The following CNTNAP3B variants were observed in gnomAD, a reference collection of about 807,000 sequenced individuals.
The protein encoded by CNTNAP3B is contactin-associated protein-like 3B.
In CNTNAP3B, 25 loss-of-function variants were observed where a neutral mutation model predicts 108.9. The observed-to-expected ratio is 0.23, with a 90% CI of 0.17 to 0.32. The LOEUF is 0.32. Ranked by LOEUF, CNTNAP3B falls within the 10% of genes least tolerant of loss-of-function variation. The probability of loss-of-function intolerance (pLI) is 1.00; values close to 1 mark genes in which losing one functional copy is unlikely to be tolerated. For missense variants in CNTNAP3B, 252 were observed against 1,210.4 expected, an observed-to-expected ratio of 0.21 and a Z score of 11.75; for synonymous variants, 103 against 473.4, an observed-to-expected ratio of 0.22 and a Z score of 10.16.
chr9:41,913,868 C>T (rs1823461733), intron 18 of CNTNAP3B, among the ~76,000 whole-genome samples: 2 of 89,112 alleles, frequency 2.2e-5, no homozygotes, highest in South Asian at 7.8e-4. Flanking sequence ...AATGGCTGAA[C>T]AATATACCAT....
intron 13 of CNTNAP3B, among the ~76,000 whole-genome samples, chr9:41,942,282 T>A (rs1824374341): frequency 2.0e-5 from 3 of 152,248 alleles, no homozygotes; most frequent in African/African-American, 7.2e-5. Context: ...GAGACCATCC[T>A]GGCTAACATG....
chr9:41,926,198 G>C (rs1325525271), intron 15 of CNTNAP3B, among the ~76,000 whole-genome samples: 10 of 152,360 alleles, frequency 6.6e-5, no homozygotes, highest in African/African-American at 1.9e-4. Context: ...TTTCCTCAGT[G>C]AGGTCACTCC....
Position 42,044,546 on chromosome 9 carries a change from C to T in CNTNAP3B, c.391-31021G>A, listed in dbSNP as rs543928141. On this transcript the variant is annotated intron_variant, in intron 3 of 23. Transcript: ENST00000377561. Reference sequence around the variant, plus strand: ...CAGGATGTTTATTAAACCAGAACACCGGCACTCCCTGGGCTAGGAAACAAG... The same window carrying T: ...CAGGATGTTTATTAAACCAGAACACTGGCACTCCCTGGGCTAGGAAACAAG... Among the ~76,000 whole-genome samples the T allele has an allele frequency of 2.6e-3, 266 of 104,138 alleles. 14 individuals are homozygous for T. The highest frequency in any genetic ancestry group is 8.8e-3 in the African/African-American group (246 of 28,062). 68.3% of individuals were successfully genotyped at this position (104,138 alleles called of 152,430 possible). A position where few individuals can be genotyped will look rare whatever the true frequency, so the allele number is the denominator to read the frequency against.
chr9:41,934,674 T>G (rs1257898932), intron 14 of CNTNAP3B, among the ~76,000 whole-genome samples: 1 of 152,304 alleles, frequency 6.6e-6, no homozygotes, highest in Non-Finnish European at 1.5e-5. Flanking sequence ...TGCTTTCTTT[T>G]GATTTGTATT....
intron 8 of CNTNAP3B, among the ~76,000 whole-genome samples, chr9:41,987,258 CG>C (rs1825724349): frequency 9.3e-6 from 1 of 107,584 alleles, no homozygotes; most frequent in Non-Finnish European, 1.9e-5. Context: ...GTTGGGAGTT[CG>C]AGACCAGCCT....
chr9:41,924,351 G>A (rs1212028080), intron 15 of CNTNAP3B, among the ~76,000 whole-genome samples: 130 of 152,282 alleles, frequency 8.5e-4, no homozygotes, highest in African/African-American at 2.7e-3. Context: ...TCAGGGGATC[G>A]CGCAGCAACA....
At chr9:42,109,194 G>T (rs1367791189) in intron 1 of CNTNAP3B, among the ~76,000 whole-genome samples, 1 of 138,844 alleles carries the variant, frequency 7.2e-6, no homozygotes, top group African/African-American at 2.9e-5. Context: ...AAGAAGTCCA[G>T]AATCTAACAT....
intron 14 of CNTNAP3B, among the ~76,000 whole-genome samples, chr9:41,931,209 G>T (rs1476577717): frequency 2.0e-5 from 3 of 152,152 alleles, no homozygotes; most frequent in African/African-American, 7.2e-5. Flanking sequence ...GCATGTCAGA[G>T]TTGTACATAT....
chr9:42,104,336 A>G (rs1828059666), intron 2 of CNTNAP3B, among the ~76,000 whole-genome samples: 1 of 73,850 alleles, frequency 1.4e-5, no homozygotes, highest in Non-Finnish European at 2.9e-5. Context: ...GTCTTTGATA[A>G]ATAATACTCA....
At chr9:42,094,748 G>A (rs1192999567) in intron 2 of CNTNAP3B, among the ~76,000 whole-genome samples, 1 of 89,590 alleles carries the variant, frequency 1.1e-5, no homozygotes, top group Non-Finnish European at 2.3e-5. Context: ...AGGAGGAAGG[G>A]AGGGAGGGAG....
rs1329384391 is a variant in CNTNAP3B, at chr9:41,936,258, CAGAG to C, written c.2237+1982_2237+1985del. On this transcript the variant is annotated intron_variant, in intron 14 of 23. Transcript: ENST00000377561. ...CACCACTGCATTCCAGCCTGGGCGA[CAGAG>C]AGAGACTCTGTCTCAAAACAAAAAC... 5.3e-5 allele frequency among the ~76,000 whole-genome samples: 8 copies of C among 151,826 alleles called. No individual in the cohort carries two copies. The East Asian group carries it at 1.6e-3, about 29-fold the overall frequency.
At chr9:42,001,683 GA>G (rs1826008796) in intron 4 of CNTNAP3B, among the ~76,000 whole-genome samples, 1 of 102,442 alleles carries the variant, frequency 9.8e-6, no homozygotes, top group East Asian at 5.0e-4. Flanking sequence ...TATCCAAAAT[GA>G]ATAAAGAAAA....
intron 1 of CNTNAP3B, among the ~76,000 whole-genome samples, chr9:42,111,913 A>G (rs1828199894): frequency 7.2e-6 from 1 of 138,656 alleles, no homozygotes; most frequent in African/African-American, 2.9e-5. Flanking sequence ...CAGAGCAGAA[A>G]CGGTTTTAAA....
chr9:41,969,556 G>C (rs1247891271), intron 10 of CNTNAP3B, among the ~76,000 whole-genome samples: 3 of 151,046 alleles, frequency 2.0e-5, no homozygotes, highest in African/African-American at 7.3e-5. Flanking sequence ...AAATTCATAA[G>C]GTGTATATCT....
chr9:41,963,408 C>T (rs1438514768), intron 11 of CNTNAP3B, among the ~76,000 whole-genome samples: 12 of 151,198 alleles, frequency 7.9e-5, no homozygotes, highest in Non-Finnish European at 1.0e-4. Context: ...TTTTCAGATT[C>T]TGTGATGTTC....
At chr9:42,076,756 G>T in intron 3 of CNTNAP3B, 113 bp downstream of exon 3, 1 of 643,152 alleles carries the variant, frequency 1.6e-6, no homozygotes, top group Non-Finnish European at 2.6e-6. Flanking sequence ...TGCTTTCAAT[G>T]AAATAGGTAT....
At chr9:41,924,667 A>G (rs1370210634) in intron 15 of CNTNAP3B, among the ~76,000 whole-genome samples, 259 of 150,302 alleles carry the variant, frequency 1.7e-3, no homozygotes, top group Middle Eastern at 3.4e-3. Context: ...ACACACACAC[A>G]CACACACACA....
At chr9:42,024,694 A>C in intron 3 of CNTNAP3B, among the ~76,000 whole-genome samples, 1 of 139,602 alleles carries the variant, frequency 7.2e-6, no homozygotes, top group Non-Finnish European at 1.6e-5. Context: ...AGAAAAAAAA[A>C]CATGAAAAGA....
At chr9:41,950,200 A>C (rs1824634169) in intron 13 of CNTNAP3B, among the ~76,000 whole-genome samples, 2 of 85,476 alleles carry the variant, frequency 2.3e-5, no homozygotes. Context: ...AGATATTACT[A>C]CACAGTTATC....
Sources: allele counts gnomAD v4.1 joint callset (sites outside exome capture counted in the v4.1 genomes callset), GRCh38; gene constraint gnomAD v4.1.1; transcripts MANE v1.5; gene names NCBI Gene and HGNC (gene_info 2026-07-23, HGNC 2026-07-21).